The following ALK variants were observed in gnomAD, a reference collection of about 807,000 sequenced individuals.
ALK encodes ALK receptor tyrosine kinase, also known as ALK tyrosine kinase receptor.
In ALK, 74 loss-of-function variants were observed where a neutral mutation model predicts 163.1. The ratio of observed to expected loss-of-function variants is 0.45; its 90% CI spans 0.38 to 0.55. The LOEUF (loss-of-function observed/expected upper bound fraction) is 0.55. Among genes scored for constraint, ALK ranks in the 20% least tolerant of loss-of-function variants. ALK has a pLI of 0.00. For missense variants in ALK, 2,063 were observed against 2,105.3 expected (o/e 0.98, Z 0.39); for synonymous variants, 960 against 843.2 (o/e 1.14, Z -2.40).
At chr2:29,797,953 C>T (rs898409820) in intron 1 of ALK, among the ~76,000 whole-genome samples, 4 of 152,044 alleles carry the variant, frequency 2.6e-5, no homozygotes, top group South Asian at 2.1e-4. Flanking sequence ...GAGCCACCTG[C>T]GGAAGGCCAC....
At chr2:29,637,560 T>C (rs1676572800) in intron 3 of ALK, among the ~76,000 whole-genome samples, 1 of 151,882 alleles carries the variant, frequency 6.6e-6, no homozygotes. Context: ...AAATACAAAA[T>C]TAGCCGGGCG....
chr2:29,843,094 G>A (rs1665743911), intron 1 of ALK, among the ~76,000 whole-genome samples: 1 of 152,050 alleles, frequency 6.6e-6, no homozygotes, highest in Non-Finnish European at 1.5e-5. Flanking sequence ...GGGTGATTGG[G>A]TAAGAAAAAT....
At chr2:29,683,996 T>C (rs1678159840) in intron 3 of ALK, among the ~76,000 whole-genome samples, 1 of 152,254 alleles carries the variant, frequency 6.6e-6, no homozygotes, top group South Asian at 2.1e-4. Flanking sequence ...CCAGTCTTTC[T>C]CTATCTTGAA....
rs545493892 is a variant in ALK at position 29,832,047 on chromosome 2, A to G, written c.667+87946T>C. 6.4e-4 allele frequency among the ~76,000 whole-genome samples: 97 copies of G among 152,346 alleles called. 1 individual carries two copies. The highest frequency in any genetic ancestry group is 2.2e-3 in the African/African-American group (92 of 41,582). ...GCAACAGGAAAGGAATCTTGAGTAC[A>G]GGTGAGTCTTCACCATGACACTGGG... On this transcript the variant is annotated intron_variant, in intron 1 of 28. Transcript: ENST00000389048.
chr2:29,298,840 C>A (rs575208173), intron 8 of ALK, among the ~76,000 whole-genome samples: 1 of 152,318 alleles, frequency 6.6e-6, no homozygotes, highest in East Asian at 1.9e-4. Flanking sequence ...TAGCCCAGCT[C>A]ATTTTCTCTC....
chr2:29,860,329 A>G (rs546886991), intron 1 of ALK, among the ~76,000 whole-genome samples: 1 of 151,354 alleles, frequency 6.6e-6, no homozygotes, highest in East Asian at 2.0e-4. Flanking sequence ...CTCTTGCTCA[A>G]CTATGAGGAT....
At chr2:29,388,137 C>T (rs76640732) in intron 4 of ALK, among the ~76,000 whole-genome samples, 1 of 152,190 alleles carries the variant, frequency 6.6e-6, no homozygotes, top group East Asian at 1.9e-4. Context: ...TCCCTACCAG[C>T]TTAGCTCTAT....
chr2:29,432,440 G>A (rs1455503059), intron 4 of ALK, among the ~76,000 whole-genome samples: 2 of 152,092 alleles, frequency 1.3e-5, no homozygotes, highest in African/African-American at 4.8e-5. Flanking sequence ...AACAGATGCT[G>A]GTTCCATGTT....
At chr2:29,875,351 G>A (rs928890009) in intron 1 of ALK, among the ~76,000 whole-genome samples, 2 of 152,156 alleles carry the variant, frequency 1.3e-5, no homozygotes, top group African/African-American at 2.4e-5. Context: ...GCACAACATT[G>A]TAAATGGACT....
At chr2:29,254,486 T>C (rs977792250) in intron 11 of ALK, among the ~76,000 whole-genome samples, 1 of 152,202 alleles carries the variant, frequency 6.6e-6, no homozygotes, top group African/African-American at 2.4e-5. Flanking sequence ...ATGCTGGGCT[T>C]CTACTTCTGG....
At chr2:29,617,975 C>T (rs1432518207) in intron 3 of ALK, among the ~76,000 whole-genome samples, 4 of 152,182 alleles carry the variant, frequency 2.6e-5, no homozygotes, top group African/African-American at 9.7e-5. Context: ...GAGACCTGCC[C>T]TTGCACGATG....
chr2:29,829,934 A>G (rs1483712895), intron 1 of ALK, among the ~76,000 whole-genome samples: 1 of 152,216 alleles, frequency 6.6e-6, no homozygotes, highest in Non-Finnish European at 1.5e-5. Context: ...CTCTGGGTGA[A>G]CATTTGAGAT....
At chr2:29,481,913 T>A (rs1334659759) in intron 4 of ALK, among the ~76,000 whole-genome samples, 2 of 152,204 alleles carry the variant, frequency 1.3e-5, no homozygotes, top group Non-Finnish European at 2.9e-5. Context: ...AAGCCTCAAT[T>A]CTTCCCACAA....
chr2:29,466,476 ATCTAT>A (rs1413715684), intron 4 of ALK, among the ~76,000 whole-genome samples: 1 of 152,222 alleles, frequency 6.6e-6, no homozygotes, highest in Non-Finnish European at 1.5e-5. Context: ...TCACATGGAA[ATCTAT>A]TCTAAAATGT....
At chr2:29,855,722 C>A (rs1180529808) in intron 1 of ALK, among the ~76,000 whole-genome samples, 2 of 152,210 alleles carry the variant, frequency 1.3e-5, no homozygotes, top group East Asian at 3.8e-4. Context: ...GAAGGTTGGA[C>A]AGACGGAGAC....
At position 29,838,556 on chromosome 2, in the gene ALK, G is replaced by A. The variant is rs138674995; in HGVS notation, c.667+81437C>T. Among the ~76,000 whole-genome samples the A allele has an allele frequency of 2.2e-3, 342 of 152,108 alleles. 1 individual carries two copies. The highest frequency in any genetic ancestry group is 7.9e-3 in the African/African-American group (329 of 41,514). On this transcript the variant is annotated intron_variant, in intron 1 of 28. Coordinates refer to ENST00000389048, the MANE Select transcript of ALK (RefSeq NM_004304.5). ...TCAACAGGAGAATGCACAAACTAATGGAATAACCATACAATAGAATACTAT... is the reference window on the plus strand; with the variant it reads ...TCAACAGGAGAATGCACAAACTAATAGAATAACCATACAATAGAATACTAT...
intron 3 of ALK, among the ~76,000 whole-genome samples, chr2:29,623,897 A>C (rs1676114163): frequency 6.6e-6 from 1 of 152,272 alleles, no homozygotes; most frequent in South Asian, 2.1e-4. Context: ...TTTGTAAAGC[A>C]TGTTTACAAC....
chr2:29,319,529 G>T (rs1002880274), intron 7 of ALK, among the ~76,000 whole-genome samples: 3 of 152,174 alleles, frequency 2.0e-5, no homozygotes, highest in Admixed American at 1.3e-4. Context: ...GGGAGAGGGG[G>T]TAGTTCAGTT....
chr2:29,602,295 T>C (rs544294344), intron 3 of ALK, among the ~76,000 whole-genome samples: 5 of 152,004 alleles, frequency 3.3e-5, no homozygotes, highest in Non-Finnish European at 5.9e-5. Context: ...ATGGACAGGC[T>C]TGGAGAAGAG....
Sources: allele counts gnomAD v4.1 joint callset (sites outside exome capture counted in the v4.1 genomes callset), GRCh38; gene constraint gnomAD v4.1.1; transcripts MANE v1.5; gene names NCBI Gene and HGNC (gene_info 2026-07-23, HGNC 2026-07-21).